C19orf38: variants seen among roughly 807,000 people sequenced by gnomAD.
C19orf38 encodes protein HIDE1.
C19orf38 carries 14 observed loss-of-function variants against 26.6 expected under a neutral mutation model. That is an observed-to-expected ratio of 0.53 (90% CI 0.35 to 0.82). The LOEUF (loss-of-function observed/expected upper bound fraction) is 0.82, where lower values mean the gene tolerates loss of function less well. Among genes scored for constraint, C19orf38 ranks in the 40% least tolerant of loss-of-function variants. The probability of loss-of-function intolerance (pLI) is 0.01; values close to 1 mark genes in which losing one functional copy is unlikely to be tolerated. For synonymous variants in C19orf38, 132 were observed against 128.5 expected (o/e 1.03, Z -0.18); for missense variants, 261 against 299.5 (o/e 0.87, Z 0.95).
chr19:10,849,614 G>T (rs2073548283), intron 1 of C19orf38, among the ~76,000 whole-genome samples: 1 of 152,082 alleles, frequency 6.6e-6, no homozygotes, highest in South Asian at 2.1e-4. Flanking sequence ...CAGGCATGGT[G>T]GCACATAGTC....
In C19orf38 at chr19:10,862,258, G is replaced by A. The variant is rs142988175; in HGVS notation, c.506-912G>A. 3.1e-3 allele frequency among the ~76,000 whole-genome samples: 436 copies of A among 139,062 alleles called. 10 individuals carry two copies. Among genetic ancestry groups the A allele is most frequent in the Admixed American group, 0.029 (383 of 12,996 alleles). 91.2% of individuals were successfully genotyped at this position (139,062 alleles called of 152,430 possible). On this transcript the variant is annotated intron_variant, in intron 5 of 6. Coordinates refer to ENST00000397820, the MANE Select transcript of C19orf38 (RefSeq NM_001136482.3). The stretch of plus-strand genomic sequence containing the variant: ...CTTGCTCTGTCACCCAGACAGGAAC[G>A]CAGTGGCGCAATCATAGCTCACTGC...
At chr19:10,858,244 A>AAAC in intron 3 of C19orf38, 72 bp from the exon 4 acceptor site, 2 of 1,235,584 alleles carry the variant, frequency 1.6e-6, no homozygotes, top group Non-Finnish European at 2.2e-6. Flanking sequence ...AAAAAAAAAA[A>AAAC]AAAAAAAACA....
intron 6 of C19orf38, among the ~76,000 whole-genome samples, chr19:10,866,204 ATT>A (rs761189003): frequency 4.6e-5 from 6 of 129,172 alleles, no homozygotes; most frequent in Non-Finnish European, 5.0e-5. Context: ...TGCCTGGCTA[ATT>A]TTTTTTTTTT....
At chr19:10,847,454 A>G (rs1415053338), upstream of C19orf38, among the ~76,000 whole-genome samples, 2 of 149,770 alleles carry the variant, frequency 1.3e-5, no homozygotes, top group African/African-American at 2.5e-5. Flanking sequence ...ACTCACCACA[A>G]TCTCCATCTC....
chr19:10,862,113 G>A (rs1353746434), intron 5 of C19orf38, among the ~76,000 whole-genome samples: 4 of 150,722 alleles, frequency 2.7e-5, no homozygotes, highest in African/African-American at 9.8e-5. Context: ...TGTTAGCCAG[G>A]ATGGTCTCGA....
At position 10,868,644 on chromosome 19, in the gene C19orf38, G is replaced by T. The variant is rs139384060; in HGVS notation, c.544-574G>T. On this transcript the variant is annotated intron_variant, in intron 6 of 6. Transcript: ENST00000397820. ...TTCTCCTGCCTCAGCCTCCCGAGTA[G>T]CTGGGATTACAGGCGTGCACCACCA... Among the ~76,000 whole-genome samples, 547 of 152,216 alleles carry T rather than the reference G, an allele frequency of 3.6e-3. 2 individuals carry two copies. The highest frequency in any genetic ancestry group is 4.9e-3 in the Non-Finnish European group (336 of 68,014).
intron 3 of C19orf38, among the ~76,000 whole-genome samples, chr19:10,857,356 ATATATATATATTTT>A (rs1372324266): frequency 1.0e-4 from 8 of 80,388 alleles, no homozygotes; most frequent in Non-Finnish European, 1.5e-4. Flanking sequence ...ATATATATAT[ATATATATATATTTT>A]TTTTTTTTTT....
Position 10,850,322 on chromosome 19 carries a change from A to AC in C19orf38, c.99dup (p.Ile34HisfsTer40). 1 of 1,551,070 alleles carries AC rather than the reference A, an allele frequency of 6.4e-7. No individual in the cohort carries two copies. Among genetic ancestry groups the AC allele is most frequent in the Non-Finnish European group, 8.7e-7 (1 of 1,146,910 alleles). ...CCCCCGTACCCAAGCAGCCAAGAGGACCCCATCCACATCGCATGCATGGCC... is the reference window on the plus strand; with the variant it reads ...CCCCCGTACCCAAGCAGCCAAGAGGACCCCCATCCACATCGCATGCATGGCC... On this transcript the variant is annotated frameshift_variant, in exon 2 of 7. Coordinates refer to ENST00000397820, the MANE Select transcript of C19orf38 (RefSeq NM_001136482.3). LOFTEE classifies it high-confidence loss of function.
chr19:10,837,083 C>G (rs528512392), intron 1 of C19orf38, among the ~76,000 whole-genome samples: 2 of 152,316 alleles, frequency 1.3e-5, no homozygotes, highest in Non-Finnish European at 2.9e-5. Context: ...TCAGTTTCCT[C>G]TTCTGCAAAA....
chr19:10,857,274 G>GTA (rs1192933837), intron 3 of C19orf38, among the ~76,000 whole-genome samples: 6 of 140,156 alleles, frequency 4.3e-5, no homozygotes, highest in African/African-American at 1.6e-4. Flanking sequence ...ATGTGTGTGG[G>GTA]TATATATGTG....
At chr19:10,845,856 G>A (rs1340444317), upstream of C19orf38, among the ~76,000 whole-genome samples, 1 of 148,104 alleles carries the variant, frequency 6.8e-6, no homozygotes, top group African/African-American at 2.5e-5. Context: ...TCCAGCCTGG[G>A]CGACAGAGCA....
intron 1 of C19orf38, among the ~76,000 whole-genome samples, chr19:10,840,731 A>G (rs919647108): frequency 6.6e-6 from 1 of 152,038 alleles, no homozygotes; most frequent in Non-Finnish European, 1.5e-5. Flanking sequence ...GTTGGCCAGG[A>G]TGGTCTCAAT....
chr19:10,850,204 C>G, intron 1 of C19orf38, 55 bp from the exon 2 acceptor site: 2 of 1,469,276 alleles, frequency 1.4e-6, no homozygotes, highest in Non-Finnish European at 1.8e-6. Flanking sequence ...GCCACATAGC[C>G]AGGGCAGCCT....
intron 1 of C19orf38, among the ~76,000 whole-genome samples, chr19:10,838,329 G>C (rs375157965): frequency 1.3e-5 from 2 of 152,286 alleles, no homozygotes; most frequent in East Asian, 1.9e-4. Flanking sequence ...AGAATGGTGT[G>C]AACCTGGGAA....
chr19:10,842,435 T>G (rs2073485033), intron 1 of C19orf38, among the ~76,000 whole-genome samples: 1 of 152,136 alleles, frequency 6.6e-6, no homozygotes, highest in Admixed American at 6.6e-5. Context: ...TAATTTTTTG[T>G]ATTTTTAGTA....
intron 6 of C19orf38, among the ~76,000 whole-genome samples, chr19:10,867,883 C>A (rs1298128769): frequency 2.0e-5 from 3 of 151,728 alleles, no homozygotes; most frequent in Non-Finnish European, 4.4e-5. Context: ...GAACTCCTGA[C>A]CTCAGGTGAT....
intron 2 of C19orf38, among the ~76,000 whole-genome samples, chr19:10,853,529 G>T (rs953560470): frequency 1.3e-4 from 20 of 150,580 alleles, no homozygotes; most frequent in African/African-American, 4.9e-4. Context: ...CAGGTGTTCT[G>T]CCTGCCTCGG....
intron 5 of C19orf38, 99 bp from the exon 6 acceptor site, chr19:10,863,071 T>C: frequency 7.9e-7 from 1 of 1,272,608 alleles, no homozygotes; most frequent in East Asian, 2.5e-5. Flanking sequence ...TGGACCCCAA[T>C]TGCTTCCCTG....
rs1473761387 is a variant in C19orf38 at position 10,857,362 on chromosome 19, A to T, written c.434-954A>T. Among the ~76,000 whole-genome samples the T allele has an allele frequency of 7.8e-3, 632 of 81,504 alleles. 13 individuals are homozygous for T. The highest frequency in any genetic ancestry group is 0.053 in the African/African-American group (545 of 10,202). 53.5% of individuals were successfully genotyped at this position (81,504 alleles called of 152,430 possible). A position where few individuals can be genotyped will look rare whatever the true frequency, so the allele number is the denominator to read the frequency against. Reference sequence around the variant, plus strand: ...TACATATATATATATATATATATATATATATTTTTTTTTTTTTTTTTTTAA... The same window carrying T: ...TACATATATATATATATATATATATTTATATTTTTTTTTTTTTTTTTTTAA... On this transcript the variant is annotated intron_variant, in intron 3 of 6. Transcript: ENST00000397820.
Sources: allele counts gnomAD v4.1 joint callset (sites outside exome capture counted in the v4.1 genomes callset), GRCh38; gene constraint gnomAD v4.1.1; transcripts MANE v1.5; gene names NCBI Gene and HGNC (gene_info 2026-07-23, HGNC 2026-07-21).